The following MYH9 variants were observed in gnomAD, a reference collection of about 807,000 sequenced individuals.
The protein encoded by MYH9 is myosin heavy chain 9.
MYH9 carries 29 observed loss-of-function variants against 241.9 expected under a neutral mutation model. The ratio of observed to expected loss-of-function variants is 0.12; its 90% confidence interval spans 0.09 to 0.16. The LOEUF (loss-of-function observed/expected upper bound fraction) is 0.16. Among genes scored for constraint, MYH9 ranks in the 10% least tolerant of loss-of-function variants. The pLI, the probability that MYH9 is intolerant of heterozygous loss-of-function variation, is 1.00. For synonymous variants in MYH9, 1,047 were observed against 1,062.6 expected, an observed-to-expected ratio of 0.99 and a Z score of 0.29; for missense variants, 1,803 against 2,595.5, an observed-to-expected ratio of 0.69 and a Z score of 6.63.
Position 36,292,036 on chromosome 22 carries a change from G to A in MYH9, c.4294C>T (p.Gln1432Ter). The A allele has an allele frequency of 6.2e-7, 1 of 1,614,190 alleles. No homozygotes were observed. The highest frequency in any genetic ancestry group is 8.5e-7 in the Non-Finnish European group (1 of 1,180,046). Residue 1432 changes from glutamine to a stop codon, truncating the protein, a stop_gained, in exon 31 of 41, where the codon CAG (glutamine) becomes TAG (stop). Transcript: ENST00000216181. LOFTEE classifies it high-confidence loss of function. The stretch of plus-strand genomic sequence containing the variant: ...TCCAGGTTGCACGCGCTCTGGCGCT[G>A]GTGGTCCAGGTCCACCAGCAGGTCG... ...LDDLLVDLDH[Q>*]RQSACNLEKK...
In MYH9 at chr22:36,312,097, C is replaced by T. The variant is rs1350654537; in HGVS notation, c.1680G>A (p.Lys560=). ...QGTHPKFQKP[K]QLKDKADFCI... is the part of the protein sequence containing the mutation. ...AGAAATCAGCTTTGTCCTTCAGCTG[C>T]TTGGGCTTCTGGAACTTGGGGTGGG... The change falls in exon 14 of 41, where the codon AAG becomes AAA. Residue 560 remains lysine, a synonymous_variant. Coordinates refer to ENST00000216181, the MANE Select transcript of MYH9 (RefSeq NM_002473.6). The T allele has an allele frequency of 8.7e-6, 14 of 1,614,102 alleles. No individual in the cohort carries two copies. The highest frequency in any genetic ancestry group is 1.3e-5 in the African/African-American group (1 of 74,936).
At position 36,306,154 on chromosome 22, in the gene MYH9, A is replaced by T; in HGVS notation, c.2038-103T>A. 6.4e-7 allele frequency: 1 copy of T among 1,570,930 alleles called. No individual in the cohort carries two copies. On this transcript the variant is annotated intron_variant, in intron 16 of 40. Transcript: ENST00000216181. The surrounding 1 kb of genome is among the most constrained non-coding windows in gnomAD (Gnocchi z 4.1). ...ACCTGACAGGGCAAGAGCCTAAGGGAGGGGGTCGCTACAGCCCACAGGTTT... is the reference window on the plus strand; with the variant it reads ...ACCTGACAGGGCAAGAGCCTAAGGGTGGGGGTCGCTACAGCCCACAGGTTT...
intron 34 of MYH9, 25 bp from the exon 35 acceptor site, chr22:36,286,871 A>C (rs769827031): frequency 9.4e-6 from 15 of 1,602,434 alleles, no homozygotes; most frequent in Non-Finnish European, 1.3e-5. Context: ...GAGGCTTGGC[A>C]CCCCACCCAG....
Position 36,295,483 on chromosome 22 carries a change from G to A in MYH9, c.3485+22C>T. The A allele has an allele frequency of 6.2e-7, 1 of 1,608,760 alleles. No individual in the cohort carries two copies. The highest frequency in any genetic ancestry group is 1.3e-5 in the African/African-American group (1 of 74,898). ...CCCCTGGCTGCCCTCCCCATCCCGA[G>A]GGACTTGGTCCCAGGGCACACCTGA... On this transcript the variant is annotated intron_variant, in intron 26 of 40. Coordinates refer to ENST00000216181, the MANE Select transcript of MYH9 (RefSeq NM_002473.6). The surrounding 1 kb of genome is among the most constrained non-coding windows in gnomAD (Gnocchi z 4.1).
intron 2 of MYH9, among the ~76,000 whole-genome samples, chr22:36,342,930 C>T (rs2017613242): frequency 2.0e-5 from 3 of 152,216 alleles, no homozygotes; most frequent in South Asian, 4.1e-4. Flanking sequence ...GTTCTCCGAG[C>T]TCCTTCCAAC....
At chr22:36,355,965 T>TA (rs1223935221) in intron 1 of MYH9, among the ~76,000 whole-genome samples, 5 of 152,114 alleles carry the variant, frequency 3.3e-5, no homozygotes, top group Non-Finnish European at 7.4e-5. Context: ...GTGCTAAAAG[T>TA]AAGAAAGAAG....
chr22:36,378,318 C>G (rs1023505971), intron 1 of MYH9, among the ~76,000 whole-genome samples: 2 of 152,026 alleles, frequency 1.3e-5, no homozygotes, highest in African/African-American at 2.4e-5. Context: ...GAGGAACAGA[C>G]CACTTCACAT....
At chr22:36,369,230 C>A (rs2018056041) in intron 1 of MYH9, among the ~76,000 whole-genome samples, 2 of 152,200 alleles carry the variant, frequency 1.3e-5, no homozygotes, top group African/African-American at 4.8e-5. Context: ...GTTTAAAGTT[C>A]TAGCCAGAGA....
rs1389598882 is a variant in MYH9 at position 36,285,875 on chromosome 22, T to C, written c.5140A>G (p.Ser1714Gly). 1.9e-6 allele frequency: 3 copies of C among 1,613,582 alleles called. No individual in the cohort carries two copies. In the Admixed American group the frequency reaches 5.0e-5, roughly 27 times the overall value. Residue 1714 changes from serine to glycine, a missense_variant, in exon 36 of 41, where the codon AGC becomes GGC. By Grantham distance (56) the Ser-to-Gly change is moderately conservative (BLOSUM62 0). Coordinates refer to ENST00000216181, the MANE Select transcript of MYH9 (RefSeq NM_002473.6). This position sits in a 1 kb window ranked among gnomAD's most constrained non-coding sequence, Gnocchi z 7.0. ...DELADEIANS[S>G]GKGALALEEK... ...CCTCACTCAGCTCACCCTTTGCCGC[T>C]GCTGTTGGCGATCTCGTCAGCCAGC... is the stretch of plus-strand genomic sequence containing the variant.
chr22:36,379,521 A>AGTTGTACAGAAAGACATCATCT, intron 1 of MYH9, among the ~76,000 whole-genome samples: 1 of 152,308 alleles, frequency 6.6e-6, no homozygotes, highest in Non-Finnish European at 1.5e-5. Context: ...AAAAATAAAA[A>AGTTGTACAGAAAGACATCATCT]GTTGTACAGA....
chr22:36,285,416 T>C lies in MYH9; in HGVS notation c.5275-87A>G, dbSNP rs934514329. The C allele has an allele frequency of 6.9e-7, 1 of 1,459,442 alleles. No homozygotes were observed. Among genetic ancestry groups the C allele is most frequent in the African/African-American group, 1.4e-5 (1 of 71,942 alleles). 90.4% of individuals were successfully genotyped at this position (1,459,442 alleles called of 1,614,324 possible). On this transcript the variant is annotated intron_variant, in intron 37 of 40. Coordinates refer to ENST00000216181, the MANE Select transcript of MYH9 (RefSeq NM_002473.6). The surrounding 1 kb of genome is among the most constrained non-coding windows in gnomAD (Gnocchi z 7.0). The stretch of plus-strand genomic sequence containing the variant: ...GGGCCAGAGGAAGGTGGCAGCAGGA[T>C]CCCACCAAACCCTTGGGGTCCAGAG...
chr22:36,349,213 C>G lies in MYH9; in HGVS notation c.24G>C (p.Lys8Asn). 6.2e-7 allele frequency: 1 copy of G among 1,614,222 alleles called. No homozygotes were observed. Among genetic ancestry groups the G allele is most frequent in the South Asian group, 1.1e-5 (1 of 91,084 alleles). The change falls in exon 2 of 41, where the codon AAG becomes AAC. Residue 8 changes from lysine (K) to asparagine (N), a missense_variant. Physicochemically the swap from Lys to Asn is moderately conservative, Grantham distance 94 (BLOSUM62 0). Around this residue, in one of 11 missense-constraint regions of MYH9, gnomAD observed 75 missense variants for 79.1 expected, o/e 0.95. Transcript: ENST00000216181. ...TGAAGTTTTTATCCACATAGAGATACTTATCGGCAGCTTGCTGTGCCATGG... is the reference window on the plus strand; with the variant it reads ...TGAAGTTTTTATCCACATAGAGATAGTTATCGGCAGCTTGCTGTGCCATGG... The part of the protein sequence containing the change: MAQQAAD[K>N]YLYVDKNFIN...
rs748369432 is a variant in MYH9, at chr22:36,305,072, G to A, written c.2190C>T (p.Pro730=). 1.2e-6 allele frequency: 2 copies of A among 1,614,070 alleles called. No individual in the cohort carries two copies. The highest frequency in any genetic ancestry group is 1.7e-6 in the Non-Finnish European group (2 of 1,179,952). ...RYEILTPNSI[P]KGFMDGKQAC... The stretch of plus-strand genomic sequence containing the variant: ...CCTGCTTCCCGTCCATGAAACCCTT[G>A]GGAATGGAGTTTGGAGTCAGGATCT... Residue 730 remains proline (P), a synonymous_variant, in exon 18 of 41, where the codon CCC becomes CCT. Coordinates refer to ENST00000216181, the MANE Select transcript of MYH9 (RefSeq NM_002473.6). This position sits in a 1 kb window ranked among gnomAD's most constrained non-coding sequence, Gnocchi z 4.7.
At chr22:36,357,258 G>A (rs751356914) in intron 1 of MYH9, among the ~76,000 whole-genome samples, 3 of 152,174 alleles carry the variant, frequency 2.0e-5, no homozygotes, top group Non-Finnish European at 4.4e-5. Flanking sequence ...CTGGGTCCTG[G>A]AAGATGGGTA....
In MYH9 at chr22:36,288,302, A is replaced by C. The variant is rs1451917771; in HGVS notation, c.4882T>G (p.Ser1628Ala). Residue 1628 changes from serine (S) to alanine (A), a missense_variant, in exon 34 of 41, where the codon TCG becomes GCG. Around this residue, in one of 11 missense-constraint regions of MYH9, gnomAD observed 876 missense variants for 1,077.8 expected, o/e 0.81. Coordinates refer to ENST00000216181, the MANE Select transcript of MYH9 (RefSeq NM_002473.6). The surrounding 1 kb of genome is among the most constrained non-coding windows in gnomAD (Gnocchi z 4.8). ...DLKDLEAHID[S>A]ANKNRDEAIK... ...GCTTCGTCCCGGTTCTTGTTGGCCG[A>C]GTCGATGTGCGCCTCCAGGTCCTTC... is the stretch of plus-strand genomic sequence containing the variant. The C allele has an allele frequency of 6.2e-7, 1 of 1,613,976 alleles. No individual in the cohort carries two copies. The highest frequency in any genetic ancestry group is 8.5e-7 in the Non-Finnish European group (1 of 1,180,008).
chr22:36,290,955 C>T (rs1426985733), intron 31 of MYH9, among the ~76,000 whole-genome samples: 2 of 151,740 alleles, frequency 1.3e-5, no homozygotes, highest in African/African-American at 2.4e-5. Context: ...GCCCTGCAGC[C>T]GCCCCGTCTG....
chr22:36,293,897 A>G lies in MYH9; in HGVS notation c.3838-34T>C. ...GGCGGGGAGACACAAAGGACCATGG[A>G]CCCACCCCCACTGCTCCTGCCCCAC... On this transcript the variant is annotated intron_variant, in intron 28 of 40. Transcript: ENST00000216181. This position sits in a 1 kb window ranked among gnomAD's most constrained non-coding sequence, Gnocchi z 5.1. 1 of 1,576,504 alleles carries G rather than the reference A, an allele frequency of 6.3e-7. No individual in the cohort carries two copies. Among genetic ancestry groups the G allele is most frequent in the Non-Finnish European group, 8.7e-7 (1 of 1,152,344 alleles).
Position 36,284,189 on chromosome 22 carries a change from T to A in MYH9, c.5669A>T (p.Asn1890Ile). 6.2e-7 allele frequency: 1 copy of A among 1,613,822 alleles called. No homozygotes were observed. Among genetic ancestry groups the A allele is most frequent in the South Asian group, 1.1e-5 (1 of 91,070 alleles). Residue 1890 changes from asparagine (N) to isoleucine (I), a missense_variant, in exon 40 of 41, where the codon AAC becomes ATC. Physicochemically the swap from Asn to Ile is moderately radical, Grantham distance 149 (BLOSUM62 -3). Transcript: ENST00000216181. ...GCGCTGCAGTTTCCGGCGGGAGGCG[T>A]TGGCCCGCTGGGCCTCCTCTTCGGC... ...EEAEEEAQRANASRRKLQREL... is the reference protein window; with the variant it reads ...EEAEEEAQRAIASRRKLQREL...
intron 1 of MYH9, among the ~76,000 whole-genome samples, chr22:36,381,274 GGAA>G (rs1476956838): frequency 6.6e-6 from 1 of 152,100 alleles, no homozygotes; most frequent in African/African-American, 2.4e-5. Context: ...CAGCACTTTG[GGAA>G]GAAGAAGCAG....
Sources: gnomAD v4.1 joint callset for allele counts (sites outside exome capture counted in the v4.1 genomes callset) on GRCh38, gnomAD v4.1.1 for gene constraint, gnomAD v4.1.1 regional missense constraint, Gnocchi (gnomAD v3.1) non-coding constraint, MANE v1.5 for transcripts, NCBI Gene and HGNC (gene_info 2026-07-23, HGNC 2026-07-21) for gene names.